Variants in FBLN7 observed in about 807,000 individuals in gnomAD.
FBLN7 encodes fibulin 7, also known as fibulin-7.
Under a neutral mutation model 44.0 loss-of-function variants are expected in FBLN7, and 31 were observed. The ratio of observed to expected loss-of-function variants is 0.70; its 90% CI spans 0.53 to 0.95. FBLN7 has a LOEUF of 0.95. Among genes scored for constraint, FBLN7 ranks in the 40% least tolerant of loss-of-function variants. The pLI is 0.00. For synonymous variants in FBLN7, 262 were observed against 253.4 expected, an observed-to-expected ratio of 1.03 and a Z score of -0.32; for missense variants, 573 against 618.5, an observed-to-expected ratio of 0.93 and a Z score of 0.78.
At chr2:112,161,981 CA>C (rs1196653378) in intron 2 of FBLN7, among the ~76,000 whole-genome samples, 3 of 152,182 alleles carry the variant, frequency 2.0e-5, no homozygotes, top group Non-Finnish European at 1.5e-5. Flanking sequence ...GAAAGCCAGA[CA>C]CCTGCCCAGA....
At chr2:112,231,864 G>C in the FBLN7 span, 1 of 1,588,454 alleles carries the variant, frequency 6.3e-7, no homozygotes, top group Non-Finnish European at 8.6e-7. Flanking sequence ...TGTGTTTCAG[G>C]AGTCAGTGGA....
chr2:112,234,805 G>GA, the FBLN7 span, among the ~76,000 whole-genome samples: 717 of 134,712 alleles, frequency 5.3e-3, 3 homozygotes, highest in African/African-American at 0.016. Flanking sequence ...ATCTCAGGGA[G>GA]AAAAAAAAAA....
chr2:112,199,238 T>C, the FBLN7 span, among the ~76,000 whole-genome samples: 1 of 152,232 alleles, frequency 6.6e-6, no homozygotes, highest in African/African-American at 2.4e-5. Flanking sequence ...TGCATGCAAC[T>C]CTCCCTCTTT....
intron 1 of FBLN7, among the ~76,000 whole-genome samples, chr2:112,157,712 C>T (rs1188579604): frequency 6.6e-6 from 1 of 152,214 alleles, no homozygotes; most frequent in African/African-American, 2.4e-5. Context: ...CAGCCTCAAC[C>T]TCCCAGGCTC....
the FBLN7 span, among the ~76,000 whole-genome samples, chr2:112,220,359 C>T: frequency 2.6e-5 from 4 of 152,146 alleles, no homozygotes; most frequent in African/African-American, 9.7e-5. Flanking sequence ...TAACAAATTC[C>T]CTTAGCCTTT....
At chr2:112,203,261 G>T in the FBLN7 span, among the ~76,000 whole-genome samples, 2 of 152,200 alleles carry the variant, frequency 1.3e-5, no homozygotes, top group Non-Finnish European at 2.9e-5. Flanking sequence ...TTCTCAGCCA[G>T]AATATTGAAG....
intron 3 of FBLN7, among the ~76,000 whole-genome samples, chr2:112,167,869 C>CGTTATGTTATTTAT (rs1682242603): frequency 7.5e-6 from 1 of 132,826 alleles, no homozygotes; most frequent in Non-Finnish European, 1.6e-5. Context: ...AGGAAAGACA[C>CGTTATGTTATTTAT]GTTATGTTAT....
chr2:112,160,759 CGCACGCACACGCAG>C (rs1681777291), intron 2 of FBLN7, among the ~76,000 whole-genome samples: 6 of 88,546 alleles, frequency 6.8e-5, no homozygotes, highest in South Asian at 3.5e-4. Flanking sequence ...CACGCACACA[CGCACGCACACGCAG>C]ACGCACACGC....
chr2:112,195,377 C>G, the FBLN7 span, among the ~76,000 whole-genome samples: 2 of 152,196 alleles, frequency 1.3e-5, no homozygotes, highest in African/African-American at 4.8e-5. Context: ...CAATAGCTTG[C>G]CTTCCTTTCT....
chr2:112,140,371 G>A (rs1193784239), intron 1 of FBLN7, among the ~76,000 whole-genome samples: 1 of 152,198 alleles, frequency 6.6e-6, no homozygotes, highest in African/African-American at 2.4e-5. Context: ...CCGCGCGCAG[G>A]GGAGGCAGCA....
chr2:112,236,779 G>A, the FBLN7 span: 1 of 1,222,942 alleles, frequency 8.2e-7, no homozygotes, highest in Non-Finnish European at 1.1e-6. Flanking sequence ...AGGTGCAGTG[G>A]CTCATGTCTG....
At chr2:112,224,001 G>C in the FBLN7 span, among the ~76,000 whole-genome samples, 2 of 152,016 alleles carry the variant, frequency 1.3e-5, no homozygotes, top group Non-Finnish European at 2.9e-5. Context: ...AAATTAGCCA[G>C]GGTGGTAGGT....
intron 1 of FBLN7, among the ~76,000 whole-genome samples, chr2:112,157,107 C>T (rs75726191): frequency 0.088 from 13,453 of 152,216 alleles, 791 homozygotes; most frequent in Non-Finnish European, 0.14. Context: ...CGGTGGCTCA[C>T]ACCTGTAATC....
At chr2:112,158,607 A>T (rs938606419) in intron 1 of FBLN7, among the ~76,000 whole-genome samples, 4 of 151,636 alleles carry the variant, frequency 2.6e-5, no homozygotes, top group African/African-American at 4.8e-5. Flanking sequence ...GGCTAATTTT[A>T]AAAATATTTG....
intron 1 of FBLN7, among the ~76,000 whole-genome samples, chr2:112,148,315 G>A (rs1428487119): frequency 6.6e-6 from 1 of 152,198 alleles, no homozygotes; most frequent in African/African-American, 2.4e-5. Flanking sequence ...CTAGCACCAG[G>A]AGTGTTCACT....
At chr2:112,214,288 C>T in the FBLN7 span, 1 of 152,106 alleles carries the variant, frequency 6.6e-6, no homozygotes. Flanking sequence ...TTGCCTCCTG[C>T]TTCCTTTCTG....
the FBLN7 span, chr2:112,214,271 A>G: frequency 1.8e-4 from 28 of 152,184 alleles, no homozygotes; most frequent in African/African-American, 6.7e-4. Context: ...GAAATTATTG[A>G]GAGATTTTGC....
intron 4 of FBLN7, among the ~76,000 whole-genome samples, chr2:112,178,247 A>G (rs1041982162): frequency 7.0e-6 from 1 of 141,928 alleles, no homozygotes; most frequent in African/African-American, 2.5e-5. Context: ...TTAGAAAAGT[A>G]CAAGAAATAC....
chr2:112,159,840 G>C lies in FBLN7; in HGVS notation c.235+5G>C, dbSNP rs776611404. 6.6e-7 allele frequency: 1 copy of C among 1,525,704 alleles called. No individual in the cohort carries two copies. Among genetic ancestry groups the C allele is most frequent in the Non-Finnish European group, 8.8e-7 (1 of 1,137,460 alleles). The allele number at this position is 1,525,704 out of a possible 1,614,324, so 94.5% of individuals were successfully genotyped here. On this transcript the variant is annotated splice_donor_5th_base_variant and intron_variant, in intron 2 of 7. Coordinates refer to ENST00000331203, the MANE Select transcript of FBLN7 (RefSeq NM_153214.3). ...TGGGCCCAGATGCCCTTCCAGGTGGGTCCCCACGTCGGCACCGCTGGGGCG... is the reference window on the plus strand; with the variant it reads ...TGGGCCCAGATGCCCTTCCAGGTGGCTCCCCACGTCGGCACCGCTGGGGCG...
Sources: allele counts gnomAD v4.1 joint callset (sites outside exome capture counted in the v4.1 genomes callset), GRCh38; gene constraint gnomAD v4.1.1; transcripts MANE v1.5; gene names NCBI Gene and HGNC (gene_info 2026-07-23, HGNC 2026-07-21).